CYS1: variants seen among roughly 807,000 people sequenced by gnomAD.
CYS1 encodes cystin 1.
Under a neutral mutation model 9.6 loss-of-function variants are expected in CYS1, and 5 were observed. That is an observed-to-expected ratio of 0.52 (90% CI 0.27 to 1.10). The LOEUF (loss-of-function observed/expected upper bound fraction) is 1.10, where lower values mean the gene tolerates loss of function less well. Ranked by LOEUF, CYS1 falls within the 50% of genes least tolerant of loss-of-function variation. CYS1 has a pLI of 0.11. For synonymous variants in CYS1, 88 were observed against 95.7 expected (o/e 0.92, Z 0.47); for missense variants, 221 against 207.9 (o/e 1.06, Z -0.39).
chr2:10,059,774 G>C (rs907967744), intron 2 of CYS1, among the ~76,000 whole-genome samples: 5 of 152,254 alleles, frequency 3.3e-5, no homozygotes, highest in African/African-American at 1.2e-4. Flanking sequence ...GTACCCTCTG[G>C]GGTCTCACAG....
intron 1 of CYS1, among the ~76,000 whole-genome samples, chr2:10,070,518 G>T (rs367743065): frequency 1.3e-5 from 2 of 151,994 alleles, no homozygotes; most frequent in African/African-American, 4.8e-5. Context: ...GCTAATTTTT[G>T]TATTTTTAGT....
At chr2:10,078,396 C>G (rs1661889340) in intron 1 of CYS1, among the ~76,000 whole-genome samples, 1 of 152,178 alleles carries the variant, frequency 6.6e-6, no homozygotes, top group Non-Finnish European at 1.5e-5. Context: ...TTTCAGATAC[C>G]CAGAACTTTC....
intron 2 of CYS1, among the ~76,000 whole-genome samples, chr2:10,061,252 CCAAA>C (rs990564911): frequency 9.9e-5 from 15 of 151,936 alleles, no homozygotes; most frequent in South Asian, 2.1e-4. Flanking sequence ...AACCAACCAA[CCAAA>C]CAAACAAACA....
At chr2:10,068,265 T>C (rs1248664763) in intron 1 of CYS1, among the ~76,000 whole-genome samples, 1 of 152,256 alleles carries the variant, frequency 6.6e-6, no homozygotes, top group African/African-American at 2.4e-5. Context: ...ACGTAGCTGA[T>C]TATAGTCTGT....
In CYS1 at chr2:10,080,266, AG is replaced by A; in HGVS notation, c.-44del. 2 of 967,540 alleles carry A rather than the reference AG, an allele frequency of 2.1e-6. No homozygotes were observed. The highest frequency in any genetic ancestry group is 2.5e-6 in the Non-Finnish European group (2 of 813,658). 59.9% of individuals were successfully genotyped at this position (967,540 alleles called of 1,614,324 possible). A position where few individuals can be genotyped will look rare whatever the true frequency, so the allele number is the denominator to read the frequency against. ...CCGGACCGCCGAGGGGGCCCCCATG[AG>A]GGGGCGCGGCCGGGGGCGGGGACGC... On this transcript the variant is annotated 5_prime_UTR_variant, in exon 1 of 3. Coordinates refer to ENST00000381813, the MANE Select transcript of CYS1 (RefSeq NM_001037160.3). This position sits in a 1 kb window ranked among gnomAD's most constrained non-coding sequence, Gnocchi z 6.4.
chr2:10,064,491 G>C (rs1001587578), intron 2 of CYS1, among the ~76,000 whole-genome samples: 2 of 152,052 alleles, frequency 1.3e-5, no homozygotes, highest in African/African-American at 4.8e-5. Context: ...CCCCTCTGCA[G>C]CAGCTTCTAA....
At chr2:10,060,218 C>A (rs1462707526) in intron 2 of CYS1, among the ~76,000 whole-genome samples, 1 of 152,240 alleles carries the variant, frequency 6.6e-6, no homozygotes. Flanking sequence ...GCCAGGGACT[C>A]TGGGCAATGG....
At chr2:10,075,113 CAAA>C (rs35611243) in intron 1 of CYS1, among the ~76,000 whole-genome samples, 38 of 146,234 alleles carry the variant, frequency 2.6e-4, no homozygotes, top group East Asian at 8.0e-4. Flanking sequence ...GACTCCATCT[CAAA>C]AAAAAAAAAA....
chr2:10,058,290 G>A lies in CYS1; in HGVS notation c.*563C>T, dbSNP rs1397624079. ...GGCTTCGGAGCTCGGGCCTGGGCTG[G>A]GAGCTGGTTAGACGTACAGAACCTC... On this transcript the variant is annotated 3_prime_UTR_variant, in exon 3 of 3. Coordinates refer to ENST00000381813, the MANE Select transcript of CYS1 (RefSeq NM_001037160.3). 1 of 152,488 alleles carries A rather than the reference G, an allele frequency of 6.6e-6. No homozygotes were observed. Among genetic ancestry groups the A allele is most frequent in the Non-Finnish European group, 1.5e-5 (1 of 68,278 alleles). The allele number at this position is 152,488 out of a possible 1,614,324, so 9.4% of individuals were successfully genotyped here. A position where few individuals can be genotyped will look rare whatever the true frequency, so the allele number is the denominator to read the frequency against.
At chr2:10,079,286 C>T (rs1332054158) in intron 1 of CYS1, among the ~76,000 whole-genome samples, 1 of 152,110 alleles carries the variant, frequency 6.6e-6, no homozygotes, top group Non-Finnish European at 1.5e-5. Context: ...GAGGACGAGG[C>T]CCTTGGCATC....
chr2:10,078,823 G>A (rs1442695379), intron 1 of CYS1, among the ~76,000 whole-genome samples: 1 of 152,188 alleles, frequency 6.6e-6, no homozygotes, highest in African/African-American at 2.4e-5. Flanking sequence ...TAAAGAGCGA[G>A]CAGTCACCAT....
At chr2:10,061,447 T>C (rs1484207391) in intron 2 of CYS1, among the ~76,000 whole-genome samples, 4 of 152,236 alleles carry the variant, frequency 2.6e-5, no homozygotes, top group African/African-American at 9.6e-5. Context: ...CCAACAGGAA[T>C]CCCAAGCAGC....
chr2:10,079,987 G>A lies in CYS1; in HGVS notation c.237C>T (p.Ala79=), dbSNP rs1331981519. ...ETLRLLDELL[A]ESAAWGPPEP... The stretch of plus-strand genomic sequence containing the variant: ...CCGGGGGGCCCCAGGCCGCCGACTC[G>A]GCCAGCAGCTCGTCCAGCAGGCGCA... Residue 79 remains alanine, a synonymous_variant, in exon 1 of 3, where the codon GCC becomes GCT. Transcript: ENST00000381813. 2.7e-6 allele frequency: 3 copies of A among 1,097,118 alleles called. No homozygotes were observed. In the Admixed American group the frequency reaches 1.5e-4, roughly 57 times the overall value. 68.0% of individuals were successfully genotyped at this position (1,097,118 alleles called of 1,614,324 possible). A position where few individuals can be genotyped will look rare whatever the true frequency, so the allele number is the denominator to read the frequency against.
chr2:10,080,016 T>A lies in CYS1; in HGVS notation c.208A>T (p.Thr70Ser), dbSNP rs1661918937. Residue 70 changes from threonine to serine, a missense_variant, in exon 1 of 3, where the codon ACG (threonine) becomes TCG (serine). Thr to Ser is a moderately conservative substitution (Grantham distance 58). Transcript: ENST00000381813. This position sits in a 1 kb window ranked among gnomAD's most constrained non-coding sequence, Gnocchi z 6.4. ...PVAPPDGRDE[T>S]LRLLDELLAE... is the part of the protein sequence containing the mutation. ...AGCAGCTCGTCCAGCAGGCGCAGCG[T>A]CTCGTCCCTGCCGTCGGGGGGCGCC... is the stretch of plus-strand genomic sequence containing the variant. 2.4e-5 allele frequency: 26 copies of A among 1,078,450 alleles called. No individual in the cohort carries two copies. Among genetic ancestry groups the A allele is most frequent in the Non-Finnish European group, 2.9e-5 (26 of 891,186 alleles). 66.8% of individuals were successfully genotyped at this position (1,078,450 alleles called of 1,614,324 possible).
At chr2:10,070,235 G>C (rs1039202421) in intron 1 of CYS1, among the ~76,000 whole-genome samples, 20 of 152,218 alleles carry the variant, frequency 1.3e-4, no homozygotes, top group African/African-American at 4.3e-4. Context: ...TCAATGCCAA[G>C]GAGCTCCCCA....
At position 10,068,531 on chromosome 2, in the gene CYS1, T is replaced by C. The variant is rs189272304; in HGVS notation, c.319-2575A>G. On this transcript the variant is annotated intron_variant, in intron 1 of 2. Coordinates refer to ENST00000381813, the MANE Select transcript of CYS1 (RefSeq NM_001037160.3). The stretch of plus-strand genomic sequence containing the variant: ...CAAATTAAATCTATACTTTCAAGTA[T>C]TTTGGACCACCAGGTGATGAGAATT... Among the ~76,000 whole-genome samples, 412 of 152,342 alleles carry C rather than the reference T, an allele frequency of 2.7e-3. 1 individual carries two copies. The highest frequency in any genetic ancestry group is 0.01 in the Middle Eastern group (3 of 294).
intron 2 of CYS1, among the ~76,000 whole-genome samples, chr2:10,060,513 CCT>C (rs1326705039): frequency 6.6e-6 from 1 of 152,226 alleles, no homozygotes; most frequent in Non-Finnish European, 1.5e-5. Context: ...ACACTCCTCC[CCT>C]GTCCCGGAGA....
chr2:10,069,333 C>T (rs1454574696), intron 1 of CYS1, among the ~76,000 whole-genome samples: 1 of 152,136 alleles, frequency 6.6e-6, no homozygotes, highest in Admixed American at 6.5e-5. Context: ...TCCTATTACC[C>T]TTTCTGGAGG....
intron 2 of CYS1, among the ~76,000 whole-genome samples, chr2:10,059,950 G>T (rs1255615132): frequency 6.6e-6 from 1 of 152,270 alleles, no homozygotes; most frequent in Non-Finnish European, 1.5e-5. Context: ...TGCTCTCCCA[G>T]ACCTTCTGGA....
Sources: allele counts gnomAD v4.1 joint callset (sites outside exome capture counted in the v4.1 genomes callset), GRCh38; gene constraint gnomAD v4.1.1; non-coding constraint Gnocchi (gnomAD v3.1); transcripts MANE v1.5; gene names NCBI Gene and HGNC (gene_info 2026-07-23, HGNC 2026-07-21).